VSTM4: variants seen among roughly 807,000 people sequenced by gnomAD.
VSTM4 encodes the protein V-set and transmembrane domain containing 4, also known as V-set and transmembrane domain-containing protein 4.
In VSTM4, 20 loss-of-function variants were observed where a neutral mutation model predicts 36.4. The ratio of observed to expected loss-of-function variants is 0.55; its 90% CI spans 0.39 to 0.80. VSTM4 has a LOEUF of 0.80. Among genes scored for constraint, VSTM4 ranks in the 30% least tolerant of loss-of-function variants. The pLI is 0.00. For synonymous variants in VSTM4, 182 were observed against 173.9 expected, an observed-to-expected ratio of 1.05 and a Z score of -0.37; for missense variants, 392 against 404.5, an observed-to-expected ratio of 0.97 and a Z score of 0.26.
chr10:49,071,648 G>A (rs1844081663), intron 4 of VSTM4, among the ~76,000 whole-genome samples: 1 of 152,240 alleles, frequency 6.6e-6, no homozygotes, highest in African/African-American at 2.4e-5. Flanking sequence ...GGGATGGGCT[G>A]TGTTTATCTC....
chr10:49,071,791 T>G (rs1366332606), intron 4 of VSTM4, among the ~76,000 whole-genome samples: 1 of 152,212 alleles, frequency 6.6e-6, no homozygotes, highest in African/African-American at 2.4e-5. Context: ...GTAAGCAGCC[T>G]GCATACCTTG....
At chr10:49,052,876 T>C (rs983214068) in intron 5 of VSTM4, among the ~76,000 whole-genome samples, 1 of 152,200 alleles carries the variant, frequency 6.6e-6, no homozygotes, top group African/African-American at 2.4e-5. Context: ...ACAGTAAAAC[T>C]GCACTAAATT....
chr10:49,031,100 G>T (rs904625674), intron 7 of VSTM4, among the ~76,000 whole-genome samples: 1 of 152,196 alleles, frequency 6.6e-6, no homozygotes, highest in Non-Finnish European at 1.5e-5. Flanking sequence ...GGAGCCTTTG[G>T]TTATCTACTT....
intron 7 of VSTM4, among the ~76,000 whole-genome samples, chr10:49,024,479 G>T (rs1156804270): frequency 6.6e-6 from 1 of 152,182 alleles, no homozygotes; most frequent in African/African-American, 2.4e-5. Flanking sequence ...GAGGAGAGTG[G>T]CTGAGGCTAT....
At chr10:49,034,276 A>G (rs183774466) in intron 7 of VSTM4, among the ~76,000 whole-genome samples, 10 of 152,282 alleles carry the variant, frequency 6.6e-5, no homozygotes, top group African/African-American at 2.2e-4. Flanking sequence ...CATCAATACT[A>G]TCATCATCAT....
chr10:49,061,851 GTATT>G (rs1275627078), intron 5 of VSTM4, among the ~76,000 whole-genome samples: 2 of 152,142 alleles, frequency 1.3e-5, no homozygotes, highest in Non-Finnish European at 2.9e-5. Flanking sequence ...TTTGATTGAT[GTATT>G]TAGATCATTT....
intron 5 of VSTM4, among the ~76,000 whole-genome samples, chr10:49,052,592 G>A (rs1404718870): frequency 6.6e-6 from 1 of 151,902 alleles, no homozygotes; most frequent in Non-Finnish European, 1.5e-5. Context: ...CTGGCTTTTT[G>A]TTCCATGCAG....
At chr10:49,110,599 T>C (rs747529628) in intron 1 of VSTM4, among the ~76,000 whole-genome samples, 37 of 152,088 alleles carry the variant, frequency 2.4e-4, no homozygotes, top group Non-Finnish European at 4.7e-4. Context: ...GGGACTGTAT[T>C]TGCAGATAGG....
chr10:49,081,562 C>G (rs1484818607), intron 3 of VSTM4, among the ~76,000 whole-genome samples: 3 of 152,246 alleles, frequency 2.0e-5, no homozygotes, highest in Admixed American at 2.0e-4. Flanking sequence ...ATTTGGGGCA[C>G]ACTCTGCCCA....
chr10:49,038,702 G>A (rs911599986), intron 7 of VSTM4, among the ~76,000 whole-genome samples: 1 of 152,204 alleles, frequency 6.6e-6, no homozygotes, highest in African/African-American at 2.4e-5. Context: ...AGCTCCGTGT[G>A]TGCTTATGTC....
intron 5 of VSTM4, among the ~76,000 whole-genome samples, chr10:49,054,956 G>A (rs570367234): frequency 1.3e-5 from 2 of 152,274 alleles, no homozygotes; most frequent in South Asian, 2.1e-4. Context: ...CTTTGCACCC[G>A]GACATACGAA....
At chr10:49,101,545 TAAAAC>T (rs1185581892) in intron 2 of VSTM4, among the ~76,000 whole-genome samples, 1 of 152,186 alleles carries the variant, frequency 6.6e-6, no homozygotes, top group African/African-American at 2.4e-5. Context: ...TAATCGAAAT[TAAAAC>T]AATGAAATAT....
At position 49,018,122 on chromosome 10, in the gene VSTM4, A is replaced by T. The variant is rs1358848472; in HGVS notation, c.*1528T>A. Reference sequence around the variant, plus strand: ...CCTTTCCAATAAACCATAAACTCTCATGAGTCTTTGGGAACATTACTGTAG... The same window carrying T: ...CCTTTCCAATAAACCATAAACTCTCTTGAGTCTTTGGGAACATTACTGTAG... On this transcript the variant is annotated 3_prime_UTR_variant, in exon 8 of 8. Transcript: ENST00000332853. The T allele has an allele frequency of 2.0e-5, 3 of 152,228 alleles. No homozygotes were observed. The highest frequency in any genetic ancestry group is 7.2e-5 in the African/African-American group (3 of 41,458). The allele number at this position is 152,228 out of a possible 1,614,324, so 9.4% of individuals were successfully genotyped here.
intron 3 of VSTM4, among the ~76,000 whole-genome samples, chr10:49,082,388 G>A (rs996307603): frequency 1.3e-5 from 2 of 152,204 alleles, no homozygotes; most frequent in Non-Finnish European, 2.9e-5. Context: ...ATATGGTCAG[G>A]CATGGTGGCT....
rs764756376 is a variant in VSTM4 at position 49,107,919 on chromosome 10, G to A, written c.132C>T (p.Leu44=). The change falls in exon 2 of 8, where the codon CTC becomes CTT. Residue 44 remains leucine, a synonymous_variant. Coordinates refer to ENST00000332853, the MANE Select transcript of VSTM4 (RefSeq NM_001031746.5). ...VDYLEGENAT[L]LCHVSQKRRK... is the part of the protein sequence containing the mutation. ...GCCTTTTCTGGGAGACGTGGCAGAG[G>A]AGAGTGGCATTCTCCCCCTCCAGGT... The A allele has an allele frequency of 8.1e-6, 13 of 1,613,716 alleles. No homozygotes were observed. The highest frequency in any genetic ancestry group is 1.7e-4 in the Middle Eastern group (1 of 6,060).
intron 5 of VSTM4, among the ~76,000 whole-genome samples, chr10:49,060,969 G>T (rs766375329): frequency 1.9e-4 from 29 of 152,042 alleles, no homozygotes; most frequent in Non-Finnish European, 2.1e-4. Flanking sequence ...AAGTCAGTTG[G>T]CCATAAATAT....
intron 5 of VSTM4, 140 bp downstream of exon 5, chr10:49,064,563 A>G: frequency 1.1e-6 from 1 of 942,204 alleles, no homozygotes; most frequent in Non-Finnish European, 1.6e-6. Context: ...TGCATGCAGG[A>G]TACACATTTG....
Position 49,019,604 on chromosome 10 carries a change from C to T in VSTM4, c.*46G>A. On this transcript the variant is annotated 3_prime_UTR_variant, in exon 8 of 8. Transcript: ENST00000332853. Reference sequence around the variant, plus strand: ...GCTTTGTCTCCAAGGCTTCATAAATCACTGGGTGGCAGGTATTAAATAGAA... The same window carrying T: ...GCTTTGTCTCCAAGGCTTCATAAATTACTGGGTGGCAGGTATTAAATAGAA... 1 of 1,553,706 alleles carries T rather than the reference C, an allele frequency of 6.4e-7. No homozygotes were observed. Among genetic ancestry groups the T allele is most frequent in the Non-Finnish European group, 8.7e-7 (1 of 1,146,770 alleles).
intron 7 of VSTM4, among the ~76,000 whole-genome samples, chr10:49,033,894 C>T (rs565193459): frequency 5.3e-5 from 8 of 152,186 alleles, no homozygotes; most frequent in African/African-American, 9.6e-5. Flanking sequence ...TTATTACCAC[C>T]GCCATCACCA....
Sources: gnomAD v4.1 joint callset for allele counts (sites outside exome capture counted in the v4.1 genomes callset) on GRCh38, gnomAD v4.1.1 for gene constraint, MANE v1.5 for transcripts, NCBI Gene and HGNC (gene_info 2026-07-23, HGNC 2026-07-21) for gene names.